Variants in SASS6 observed in about 807,000 individuals in gnomAD.
The protein encoded by SASS6 is spindle assembly abnormal protein 6 homolog.
SASS6 carries 59 observed loss-of-function variants against 94.9 expected under a neutral mutation model. The observed-to-expected ratio is 0.62, with a 90% CI of 0.50 to 0.77. The LOEUF (loss-of-function observed/expected upper bound fraction) is 0.77. Ranked by LOEUF, SASS6 falls within the 30% of genes least tolerant of loss-of-function variation. The probability of loss-of-function intolerance (pLI) is 0.00; values close to 1 mark genes in which losing one functional copy is unlikely to be tolerated. For synonymous variants in SASS6, 264 were observed against 270.0 expected (o/e 0.98, Z 0.22); for missense variants, 698 against 734.1 (o/e 0.95, Z 0.57).
intron 4 of SASS6, 61 bp downstream of exon 4, chr1:100,122,319 G>T: frequency 1.3e-6 from 1 of 750,476 alleles, no homozygotes; most frequent in Non-Finnish European, 2.2e-6. Flanking sequence ...ATCAACTTGT[G>T]TTTCAAAGAA....
intron 14 of SASS6, among the ~76,000 whole-genome samples, chr1:100,095,757 T>C (rs1306686131): frequency 2.0e-5 from 3 of 152,168 alleles, no homozygotes; most frequent in African/African-American, 4.8e-5. Flanking sequence ...AAAAATGACA[T>C]ACATTTCTAC....
chr1:100,113,679 C>T (rs972334408), intron 7 of SASS6, among the ~76,000 whole-genome samples: 7 of 145,742 alleles, frequency 4.8e-5, no homozygotes, highest in East Asian at 2.0e-4. Context: ...TAGAAATTAA[C>T]GAAATAGGGG....
At position 100,132,738 on chromosome 1, in the gene SASS6, C is replaced by T; in HGVS notation, c.65+12G>A. 6.2e-6 allele frequency: 10 copies of T among 1,611,810 alleles called. No homozygotes were observed. Among genetic ancestry groups the T allele is most frequent in the Non-Finnish European group, 8.5e-6 (10 of 1,178,090 alleles). On this transcript the variant is annotated intron_variant, in intron 1 of 16. Transcript: ENST00000287482. Reference sequence around the variant, plus strand: ...ACCGCCACCCGCGGGCACTGGATGACGCGGACCTTACCTCTCCTCACAGTC... The same window carrying T: ...ACCGCCACCCGCGGGCACTGGATGATGCGGACCTTACCTCTCCTCACAGTC...
At chr1:100,119,824 G>C (rs1320536778) in intron 6 of SASS6, among the ~76,000 whole-genome samples, 1 of 152,158 alleles carries the variant, frequency 6.6e-6, no homozygotes, top group African/African-American at 2.4e-5. Context: ...GCAGATGTTG[G>C]TGCCATGCTT....
intron 14 of SASS6, among the ~76,000 whole-genome samples, chr1:100,089,709 G>A (rs964305981): frequency 6.6e-6 from 1 of 151,966 alleles, no homozygotes; most frequent in East Asian, 1.9e-4. Context: ...ATTCCTCACA[G>A]ACCTGCATTG....
rs763415270 is a variant in SASS6, at chr1:100,132,836, G to A, written c.-22C>T. On this transcript the variant is annotated 5_prime_UTR_variant, in exon 1 of 17. Transcript: ENST00000287482. ...TCATGTTGGCTCGCTGCCTCGGCTG[G>A]TGTGCAGAAAAGCCCAACAGGCCCG... is the stretch of plus-strand genomic sequence containing the variant. The A allele has an allele frequency of 9.3e-6, 15 of 1,611,718 alleles. No homozygotes were observed. The Middle Eastern group carries it at 6.6e-4, about 71-fold the overall frequency.
intron 14 of SASS6, among the ~76,000 whole-genome samples, chr1:100,088,820 G>T (rs1471040019): frequency 6.8e-6 from 1 of 147,512 alleles, no homozygotes; most frequent in African/African-American, 2.5e-5. Context: ...GGGCAACAGA[G>T]CAAGACCCTG....
chr1:100,101,210 C>G (rs1652474606), intron 14 of SASS6, among the ~76,000 whole-genome samples: 1 of 152,072 alleles, frequency 6.6e-6, no homozygotes, highest in African/African-American at 2.4e-5. Context: ...ATCCTAACAT[C>G]AGATTCCGCC....
chr1:100,131,194 CTT>C (rs1172504404), intron 1 of SASS6, among the ~76,000 whole-genome samples: 2 of 144,454 alleles, frequency 1.4e-5, no homozygotes, highest in Non-Finnish European at 1.5e-5. Context: ...TTTTCTTTTT[CTT>C]TTTTTTTTTT....
chr1:100,107,975 G>A lies in SASS6; in HGVS notation c.891C>T (p.Leu297=), dbSNP rs756085551. 1 of 1,611,756 alleles carries A rather than the reference G, an allele frequency of 6.2e-7. No individual in the cohort carries two copies. The highest frequency in any genetic ancestry group is 8.5e-7 in the Non-Finnish European group (1 of 1,178,796). ...GTGTAGAATTCTCTCTTCGCAAAGA[G>A]AGGACTTCTTGCTTAGTCCGCTGTA... The part of the protein sequence containing the change: ...EELQRTKQEV[L]SLRRENSTLD... Residue 297 remains leucine, a synonymous_variant, in exon 9 of 17, where the codon CTC becomes CTT. Coordinates refer to ENST00000287482, the MANE Select transcript of SASS6 (RefSeq NM_194292.3).
chr1:100,102,203 A>T (rs1658988265), intron 14 of SASS6, among the ~76,000 whole-genome samples: 1 of 152,190 alleles, frequency 6.6e-6, no homozygotes, highest in Non-Finnish European at 1.5e-5. Context: ...ATTGCTAGTC[A>T]TATCTTATCT....
Position 100,122,432 on chromosome 1 carries a change from AT to A in SASS6, c.258del (p.Lys86AsnfsTer3). 1.3e-6 allele frequency: 2 copies of A among 1,591,418 alleles called. No individual in the cohort carries two copies. Among genetic ancestry groups the A allele is most frequent in the Non-Finnish European group, 1.7e-6 (2 of 1,160,638 alleles). Reference sequence around the variant, plus strand: ...GTACATTGCTGAAGGAGATCTATAAATTTTTGTGGGAAAGCTAAGAAGTCTA... The same window carrying A: ...GTACATTGCTGAAGGAGATCTATAAATTTTGTGGGAAAGCTAAGAAGTCTA... ...LLVDFLAFPQ[K>X]FIDLLQQCTQ... On this transcript the variant is annotated frameshift_variant, in exon 4 of 17. Transcript: ENST00000287482. LOFTEE classifies it high-confidence loss of function.
chr1:100,116,647 G>C (rs1052542835), intron 7 of SASS6, among the ~76,000 whole-genome samples: 2 of 151,908 alleles, frequency 1.3e-5, no homozygotes, highest in African/African-American at 4.8e-5. Context: ...CCTACCAATA[G>C]GAAAATAAAT....
chr1:100,087,014 G>C (rs1651339353), intron 15 of SASS6, among the ~76,000 whole-genome samples: 1 of 151,368 alleles, frequency 6.6e-6, no homozygotes, highest in Non-Finnish European at 1.5e-5. Flanking sequence ...ACAGAGTCTT[G>C]CTCTTATCGC....
At chr1:100,125,746 G>T in intron 2 of SASS6, 136 bp downstream of exon 2, 4 of 598,656 alleles carry the variant, frequency 6.7e-6, no homozygotes, top group Non-Finnish European at 8.9e-6. Context: ...CACCACCCTT[G>T]ATTTCCAACA....
intron 12 of SASS6, among the ~76,000 whole-genome samples, chr1:100,106,593 C>A (rs1384072569): frequency 6.6e-6 from 1 of 152,066 alleles, no homozygotes; most frequent in East Asian, 1.9e-4. Flanking sequence ...CACCTGTAAA[C>A]CTAAACGCAG....
rs2101629356 is a variant in SASS6 at position 100,083,582 on chromosome 1, A to G, written c.*1746T>C. On this transcript the variant is annotated 3_prime_UTR_variant, in exon 17 of 17. Transcript: ENST00000287482. Reference sequence around the variant, plus strand: ...GATTTTCAAAGTGTAGATGCTGCATAATAGTTTATTAACAAAGCTCAAAGT... The same window carrying G: ...GATTTTCAAAGTGTAGATGCTGCATGATAGTTTATTAACAAAGCTCAAAGT... 1 of 152,160 alleles carries G rather than the reference A, an allele frequency of 6.6e-6. No homozygotes were observed. The highest frequency in any genetic ancestry group is 6.5e-5 in the Admixed American group (1 of 15,286). 9.4% of individuals were successfully genotyped at this position (152,160 alleles called of 1,614,324 possible). A position where few individuals can be genotyped will look rare whatever the true frequency, so the allele number is the denominator to read the frequency against.
At chr1:100,132,723 G>A (rs1388280992) in intron 1 of SASS6, 27 bp downstream of exon 1, 1 of 1,599,012 alleles carries the variant, frequency 6.3e-7, no homozygotes, top group South Asian at 1.1e-5. Context: ...ACCGCCACCC[G>A]CGGGCACTGG....
At chr1:100,088,950 CA>C (rs1442119868) in intron 14 of SASS6, among the ~76,000 whole-genome samples, 1 of 151,776 alleles carries the variant, frequency 6.6e-6, no homozygotes, top group Non-Finnish European at 1.5e-5. Context: ...AATAAGATGT[CA>C]TACTCAGAAG....
Sources: gnomAD v4.1 joint callset for allele counts (sites outside exome capture counted in the v4.1 genomes callset) on GRCh38, gnomAD v4.1.1 for gene constraint, MANE v1.5 for transcripts, NCBI Gene and HGNC (gene_info 2026-07-23, HGNC 2026-07-21) for gene names.